ZNF157: variants seen among roughly 807,000 people sequenced by gnomAD.
ZNF157 encodes the protein zinc finger protein 157.
Under a neutral mutation model 9.4 loss-of-function variants are expected in ZNF157, and 8 were observed. The ratio of observed to expected loss-of-function variants is 0.85; its 90% confidence interval spans 0.50 to 1.53. ZNF157 has a LOEUF of 1.53. Ranked by LOEUF, ZNF157 falls within the 40% of genes most tolerant of loss-of-function variation. The probability of loss-of-function intolerance (pLI) is 0.00; values close to 1 mark genes in which losing one functional copy is unlikely to be tolerated. For missense variants in ZNF157, 316 were observed against 385.2 expected, an observed-to-expected ratio of 0.82 and a Z score of 1.50; for synonymous variants, 120 against 130.8, an observed-to-expected ratio of 0.92 and a Z score of 0.56.
chrX:47,400,391 C>T (rs1268487980), intron 1 of ZNF157, among the ~76,000 whole-genome samples: 1 of 110,764 alleles, frequency 9.0e-6, no homozygotes, highest in Non-Finnish European at 1.9e-5. Flanking sequence ...AACTCTTGGG[C>T]TCAAGGGATC....
At chrX:47,385,782 G>A (rs1166745012) in intron 1 of ZNF157, among the ~76,000 whole-genome samples, 3 of 110,399 alleles carry the variant, frequency 2.7e-5, no homozygotes, top group African/African-American at 9.9e-5. Context: ...TGGCCAGGCT[G>A]GTCTCAAACT....
intron 1 of ZNF157, among the ~76,000 whole-genome samples, chrX:47,398,509 C>CT (rs1183228884): frequency 2.7e-4 from 29 of 109,008 alleles, no homozygotes; most frequent in Non-Finnish European, 4.0e-4. Flanking sequence ...TTTTCTTTTT[C>CT]TTTTTTTTTG....
chrX:47,395,980 G>T (rs142759067), intron 1 of ZNF157, among the ~76,000 whole-genome samples: 1 of 111,018 alleles, frequency 9.0e-6, no homozygotes, highest in Non-Finnish European at 1.9e-5. Flanking sequence ...AATGAATATT[G>T]TACTATAATG....
intron 1 of ZNF157, among the ~76,000 whole-genome samples, chrX:47,371,447 C>T (rs1446816098): frequency 9.2e-6 from 1 of 108,606 alleles, no homozygotes; most frequent in Non-Finnish European, 1.9e-5. Flanking sequence ...TGAGACCTGC[C>T]TGGGCAATAT....
chrX:47,410,585 C>T lies in ZNF157; in HGVS notation c.200-95C>T, dbSNP rs2055961406. 6 of 963,519 alleles carry T rather than the reference C, an allele frequency of 6.2e-6. No individual in the cohort carries two copies. The Admixed American group carries it at 1.1e-4, about 18-fold the overall frequency. The allele number at this position is 963,519 out of a possible 1,213,427, so 79.4% of individuals were successfully genotyped here. On this transcript the variant is annotated intron_variant, in intron 2 of 3. Coordinates refer to ENST00000377073, the MANE Select transcript of ZNF157 (RefSeq NM_003446.4). ...TGAAAGGTTTAAATGGGCCCCCTTCCTTGTGCAGCTCATGAAGATGCACCT... is the reference window on the plus strand; with the variant it reads ...TGAAAGGTTTAAATGGGCCCCCTTCTTTGTGCAGCTCATGAAGATGCACCT...
In ZNF157 at chrX:47,400,240, G is replaced by A. The variant is rs1221192132; in HGVS notation, c.73-10036G>A. ...TTGAACTCCTGACCTCAGGTGATCT[G>A]CCTGCCTGCCTTGGCCTCCCAAAGT... On this transcript the variant is annotated intron_variant, in intron 1 of 3. Transcript: ENST00000377073. Among the ~76,000 whole-genome samples, 15 of 110,164 alleles carry A rather than the reference G, an allele frequency of 1.4e-4. 1 individual carries two copies. The highest frequency in any genetic ancestry group is 2.8e-4 in the Non-Finnish European group (15 of 52,726).
chrX:47,407,677 C>T (rs867859635), intron 1 of ZNF157, among the ~76,000 whole-genome samples: 3 of 111,139 alleles, frequency 2.7e-5, no homozygotes, highest in African/African-American at 9.8e-5. Context: ...AGTAATATCT[C>T]TTTGTTTTCT....
At chrX:47,387,700 G>C (rs1190219646) in intron 1 of ZNF157, among the ~76,000 whole-genome samples, 1 of 108,002 alleles carries the variant, frequency 9.3e-6, no homozygotes, top group African/African-American at 3.4e-5. Context: ...TCAGGAGTTC[G>C]AGACCAGCCT....
rs1225758905 is a variant in ZNF157, at chrX:47,395,579, T to C, written c.73-14697T>C. Among the ~76,000 whole-genome samples the C allele has an allele frequency of 3.6e-5, 4 of 112,125 alleles. 1 individual carries two copies. Among genetic ancestry groups the C allele is most frequent in the African/African-American group, 1.3e-4 (4 of 30,875 alleles). On this transcript the variant is annotated intron_variant, in intron 1 of 3. Transcript: ENST00000377073. Reference sequence around the variant, plus strand: ...CGTAACATGATGCAATTCTCAAGTATACAACTAAAAACACCTTCTTTTCCT... The same window carrying C: ...CGTAACATGATGCAATTCTCAAGTACACAACTAAAAACACCTTCTTTTCCT...
chrX:47,413,755 G>A lies in ZNF157; in HGVS notation c.*161G>A, dbSNP rs2055974713. 1 of 866,543 alleles carries A rather than the reference G, an allele frequency of 1.2e-6. No individual in the cohort carries two copies. The highest frequency in any genetic ancestry group is 4.3e-5 in the Admixed American group (1 of 23,197). The allele number at this position is 866,543 out of a possible 1,213,427, so 71.4% of individuals were successfully genotyped here. A position where few individuals can be genotyped will look rare whatever the true frequency, so the allele number is the denominator to read the frequency against. On this transcript the variant is annotated 3_prime_UTR_variant, in exon 4 of 4. Transcript: ENST00000377073. ...TATTCAGATTTCCCTAATTAGTGGT[G>A]TGTGAACATCTTATCTGTTGATTGG...
chrX:47,379,724 C>CTTT (rs200985634), intron 1 of ZNF157, among the ~76,000 whole-genome samples: 1,596 of 62,731 alleles, frequency 0.025, 155 homozygotes, highest in African/African-American at 0.1. Context: ...TGTCTAGATG[C>CTTT]TTTTTTTTTT....
At chrX:47,375,330 TAC>T (rs2055841785) in intron 1 of ZNF157, among the ~76,000 whole-genome samples, 1 of 110,140 alleles carries the variant, frequency 9.1e-6, no homozygotes, top group African/African-American at 3.3e-5. Flanking sequence ...TCATTTTTAA[TAC>T]AGTTTTAGAG....
chrX:47,376,319 T>C (rs1196894100), intron 1 of ZNF157, among the ~76,000 whole-genome samples: 1 of 112,225 alleles, frequency 8.9e-6, no homozygotes, highest in African/African-American at 3.2e-5. Context: ...ATAAACTTTA[T>C]AAGAAACTGC....
At position 47,384,697 on chromosome X, in the gene ZNF157, C is replaced by G. The variant is rs1044605713; in HGVS notation, c.72+13957C>G. ...CAGAGACCGGCGCTTATGGCAAAAGCCTAAGAGCGCCTCCTAGTGGTAACC... is the reference window on the plus strand; with the variant it reads ...CAGAGACCGGCGCTTATGGCAAAAGGCTAAGAGCGCCTCCTAGTGGTAACC... On this transcript the variant is annotated intron_variant, in intron 1 of 3. Coordinates refer to ENST00000377073, the MANE Select transcript of ZNF157 (RefSeq NM_003446.4). Among the ~76,000 whole-genome samples, 3 of 112,526 alleles carry G rather than the reference C, an allele frequency of 2.7e-5. No homozygotes were observed. The Admixed American group carries it at 2.8e-4, about 11-fold the overall frequency.
chrX:47,386,528 C>T (rs1389429395), intron 1 of ZNF157, among the ~76,000 whole-genome samples: 1 of 109,980 alleles, frequency 9.1e-6, no homozygotes, highest in Non-Finnish European at 1.9e-5. Flanking sequence ...GGTGCGATCT[C>T]GGCTTGCTGC....
intron 1 of ZNF157, among the ~76,000 whole-genome samples, chrX:47,406,360 TTCTCTC>T (rs200438396): frequency 3.7e-5 from 4 of 109,220 alleles, no homozygotes; most frequent in African/African-American, 1.3e-4. Flanking sequence ...CTGTATTTCT[TTCTCTC>T]TCTCTCTCTC....
intron 1 of ZNF157, among the ~76,000 whole-genome samples, chrX:47,378,569 G>T (rs1379817508): frequency 8.9e-6 from 1 of 112,013 alleles, no homozygotes; most frequent in East Asian, 2.8e-4. Flanking sequence ...CACGCTGGGC[G>T]CGGTGGCTCA....
intron 3 of ZNF157, among the ~76,000 whole-genome samples, chrX:47,411,501 C>T (rs1437308121): frequency 7.3e-5 from 8 of 109,555 alleles, no homozygotes; most frequent in Admixed American, 2.0e-4. Flanking sequence ...ACTACAGGCA[C>T]GCACCACCAT....
intron 1 of ZNF157, among the ~76,000 whole-genome samples, chrX:47,378,211 G>A (rs1233873283): frequency 9.0e-6 from 1 of 110,953 alleles, no homozygotes. Context: ...AGGAGTTGAA[G>A]CTGTCCTCTT....
Sources: allele counts gnomAD v4.1 joint callset (sites outside exome capture counted in the v4.1 genomes callset), GRCh38; gene constraint gnomAD v4.1.1; transcripts MANE v1.5; gene names NCBI Gene and HGNC (gene_info 2026-07-23, HGNC 2026-07-21).